NTM: variants seen among roughly 807,000 people sequenced by gnomAD.
NTM encodes neurotrimin.
NTM carries 13 observed loss-of-function variants against 42.1 expected under a neutral mutation model. The observed-to-expected ratio is 0.31, with a 90% CI of 0.20 to 0.49. The LOEUF is 0.49. NTM is among the 20% of genes least tolerant of loss of function. The pLI is 0.99. For missense variants in NTM, 373 were observed against 452.8 expected, an observed-to-expected ratio of 0.82 and a Z score of 1.60; for synonymous variants, 187 against 179.2, an observed-to-expected ratio of 1.04 and a Z score of -0.35.
At chr11:131,494,658 A>G (rs1955147387) in intron 1 of NTM, among the ~76,000 whole-genome samples, 2 of 152,230 alleles carry the variant, frequency 1.3e-5, no homozygotes, top group African/African-American at 4.8e-5. Context: ...GAATGAACGC[A>G]TAAATAAATG....
intron 1 of NTM, among the ~76,000 whole-genome samples, chr11:131,768,046 T>C (rs1356689492): frequency 6.6e-6 from 1 of 152,168 alleles, no homozygotes; most frequent in Admixed American, 6.6e-5. Context: ...TTTAATTTTT[T>C]TATTTTTTGG....
At chr11:131,511,639 A>G (rs1170220373) in intron 1 of NTM, among the ~76,000 whole-genome samples, 2 of 152,024 alleles carry the variant, frequency 1.3e-5, no homozygotes, top group East Asian at 1.9e-4. Context: ...CTTAGGATTG[A>G]TTTTCCTCCA....
At chr11:131,809,718 C>A (rs2092659251) in intron 1 of NTM, among the ~76,000 whole-genome samples, 1 of 152,202 alleles carries the variant, frequency 6.6e-6, no homozygotes, top group Non-Finnish European at 1.5e-5. Context: ...TGACAACCAG[C>A]AATTTCTGCT....
At chr11:132,046,673 G>A (rs2078045046) in intron 2 of NTM, among the ~76,000 whole-genome samples, 1 of 152,214 alleles carries the variant, frequency 6.6e-6, no homozygotes, top group South Asian at 2.1e-4. Context: ...ATTCCCAGGC[G>A]ACACTCCCCT....
intron 2 of NTM, among the ~76,000 whole-genome samples, chr11:132,134,757 A>ATCTATCTATC (rs111260161): frequency 1.0e-4 from 10 of 97,322 alleles, no homozygotes; most frequent in East Asian, 4.3e-4. Flanking sequence ...ATATATATAT[A>ATCTATCTATC]TATCTCACAT....
At chr11:131,460,948 GGTGACCTTATATTATGAAAATACT>G (rs1951321385) in intron 1 of NTM, among the ~76,000 whole-genome samples, 1 of 152,208 alleles carries the variant, frequency 6.6e-6, no homozygotes, top group Non-Finnish European at 1.5e-5. Context: ...AGTTGAACAA[GGTGACCTTATATTATGAAAATACT>G]GTGATTCTGA....
chr11:132,131,752 G>A (rs1177483202), intron 2 of NTM, among the ~76,000 whole-genome samples: 1 of 152,174 alleles, frequency 6.6e-6, no homozygotes, highest in African/African-American at 2.4e-5. Context: ...AAACAGATTT[G>A]TTAGAAAGGT....
At chr11:132,322,090 A>G (rs2095582537) in intron 7 of NTM, among the ~76,000 whole-genome samples, 1 of 152,216 alleles carries the variant, frequency 6.6e-6, no homozygotes, top group Admixed American at 6.5e-5. Flanking sequence ...AAATGTAAAG[A>G]CCATCGAGAC....
At chr11:131,782,543 C>A (rs1353224856) in intron 1 of NTM, among the ~76,000 whole-genome samples, 1 of 151,874 alleles carries the variant, frequency 6.6e-6, no homozygotes, top group Non-Finnish European at 1.5e-5. Context: ...AAAGAAATTA[C>A]AAGGAAAAAA....
At chr11:132,206,710 T>C (rs2138573027) in intron 3 of NTM, among the ~76,000 whole-genome samples, 1 of 152,312 alleles carries the variant, frequency 6.6e-6, no homozygotes, top group Admixed American at 6.5e-5. Flanking sequence ...TTCCCATCTG[T>C]GCCCATGCAA....
chr11:131,407,813 C>T (rs1038318581), intron 1 of NTM, among the ~76,000 whole-genome samples: 1 of 152,168 alleles, frequency 6.6e-6, no homozygotes, highest in South Asian at 2.1e-4. Flanking sequence ...TGATGAAGTT[C>T]GGGCCCACCC....
Position 131,488,211 on chromosome 11 carries a change from G to C in NTM, c.82+117323G>C, listed in dbSNP as rs1954396002. On this transcript the variant is annotated intron_variant, in intron 1 of 8. Coordinates refer to ENST00000683400, the MANE Select transcript of NTM (RefSeq NM_001352005.2). ...GGGGGTTCAAACAAGAATGACTTAT[G>C]ATTTCTTATGTTTCTGTAGGTTGGC... 2.0e-5 allele frequency among the ~76,000 whole-genome samples: 3 copies of C among 152,274 alleles called. No individual in the cohort carries two copies. In the South Asian group the frequency reaches 6.2e-4, roughly 32 times the overall value.
intron 1 of NTM, among the ~76,000 whole-genome samples, chr11:131,594,671 T>C (rs1408340503): frequency 2.0e-5 from 3 of 152,192 alleles, no homozygotes; most frequent in Non-Finnish European, 2.9e-5. Flanking sequence ...AGTGCTGGGA[T>C]TTATAGGCAT....
rs111993425 is a variant in NTM, at chr11:131,783,044, CT to C, written c.83-128519del. Among the ~76,000 whole-genome samples, 941 of 152,158 alleles carry C rather than the reference CT, an allele frequency of 6.2e-3. 13 individuals are homozygous for C. Among genetic ancestry groups the C allele is most frequent in the African/African-American group, 0.022 (906 of 41,536 alleles). On this transcript the variant is annotated intron_variant, in intron 1 of 8. Coordinates refer to ENST00000683400, the MANE Select transcript of NTM (RefSeq NM_001352005.2). ...ATTGGAAAGAAAAGTGTTAAATTCT[CT>C]GAATTTATGAGTGGCATGATTGTGT... is the stretch of plus-strand genomic sequence containing the variant.
intron 7 of NTM, among the ~76,000 whole-genome samples, chr11:132,315,638 A>AACTT (rs1279677468): frequency 6.6e-6 from 1 of 152,160 alleles, no homozygotes; most frequent in East Asian, 1.9e-4. Flanking sequence ...ATATTCTGAA[A>AACTT]ACTTTGGGAT....
rs532442829 is a variant in NTM, at chr11:131,453,357, G to A, written c.82+82469G>A. On this transcript the variant is annotated intron_variant, in intron 1 of 8. Transcript: ENST00000683400. Reference sequence around the variant, plus strand: ...ACTCTTGTGATGATAATGAGTAACAGTGAGTAGTCTGAATTTTTTCATTTT... The same window carrying A: ...ACTCTTGTGATGATAATGAGTAACAATGAGTAGTCTGAATTTTTTCATTTT... 3.7e-4 allele frequency among the ~76,000 whole-genome samples: 56 copies of A among 152,156 alleles called. 1 individual carries two copies. The highest frequency in any genetic ancestry group is 6.0e-4 in the Non-Finnish European group (41 of 68,044).
chr11:132,195,252 T>C (rs965894355), intron 3 of NTM, among the ~76,000 whole-genome samples: 2 of 151,690 alleles, frequency 1.3e-5, no homozygotes, highest in African/African-American at 4.8e-5. Flanking sequence ...AGGTAAAAAA[T>C]CTATACAATG....
At chr11:132,033,505 A>G (rs2076167154) in intron 2 of NTM, among the ~76,000 whole-genome samples, 1 of 152,230 alleles carries the variant, frequency 6.6e-6, no homozygotes, top group South Asian at 2.1e-4. Flanking sequence ...TTGCAGGTGT[A>G]GACAGAAGTC....
At chr11:131,729,596 G>T (rs2658850) in intron 1 of NTM, among the ~76,000 whole-genome samples, 2 of 151,736 alleles carry the variant, frequency 1.3e-5, no homozygotes, top group East Asian at 3.9e-4. Context: ...CCCATTCCCC[G>T]TCCTCCCAGC....
Sources: gnomAD v4.1 joint callset for allele counts (sites outside exome capture counted in the v4.1 genomes callset) on GRCh38, gnomAD v4.1.1 for gene constraint, MANE v1.5 for transcripts, NCBI Gene and HGNC (gene_info 2026-07-23, HGNC 2026-07-21) for gene names.